NALF1: variants seen among roughly 807,000 people sequenced by gnomAD.
The protein encoded by NALF1 is NALCN channel auxiliary factor 1.
Under a neutral mutation model 48.4 loss-of-function variants are expected in NALF1, and 3 were observed. That is an observed-to-expected ratio of 0.06 (90% CI 0.03 to 0.16). The LOEUF is 0.16. Among genes scored for constraint, NALF1 ranks in the 10% least tolerant of loss-of-function variants. The pLI, the probability that NALF1 is intolerant of heterozygous loss-of-function variation, is 1.00. For synonymous variants in NALF1, 262 were observed against 245.7 expected (o/e 1.07, Z -0.62); for missense variants, 526 against 571.5 (o/e 0.92, Z 0.81).
At chr13:107,341,553 G>A (rs1250722855) in intron 1 of NALF1, among the ~76,000 whole-genome samples, 1 of 151,450 alleles carries the variant, frequency 6.6e-6, no homozygotes, top group Non-Finnish European at 1.5e-5. Context: ...TCATGGAGGT[G>A]GTGAGGATTA....
At chr13:107,396,578 A>C (rs1375476741) in intron 1 of NALF1, among the ~76,000 whole-genome samples, 1 of 152,210 alleles carries the variant, frequency 6.6e-6, no homozygotes, top group Non-Finnish European at 1.5e-5. Flanking sequence ...GCAAATGATC[A>C]TTCTGCCCCT....
At chr13:107,243,782 T>A (rs1313585841) in intron 1 of NALF1, among the ~76,000 whole-genome samples, 2 of 152,032 alleles carry the variant, frequency 1.3e-5, no homozygotes, top group Non-Finnish European at 2.9e-5. Flanking sequence ...CTGATGGGGA[T>A]CATAAACAAA....
intron 1 of NALF1, among the ~76,000 whole-genome samples, chr13:107,212,883 G>A (rs1157583310): frequency 6.6e-6 from 1 of 152,116 alleles, no homozygotes; most frequent in East Asian, 1.9e-4. Flanking sequence ...AGAGTTGCCT[G>A]TTTTTCTTTA....
At chr13:107,493,218 C>G (rs1875205033) in intron 1 of NALF1, among the ~76,000 whole-genome samples, 2 of 151,860 alleles carry the variant, frequency 1.3e-5, no homozygotes, top group African/African-American at 4.8e-5. Flanking sequence ...CTGGATAAAG[C>G]AGAAATGGCA....
intron 1 of NALF1, among the ~76,000 whole-genome samples, chr13:107,739,358 T>C (rs1293456256): frequency 3.4e-5 from 5 of 148,326 alleles, no homozygotes; most frequent in Non-Finnish European, 7.4e-5. Flanking sequence ...TTTTCATATA[T>C]AATATATAAA....
At chr13:107,655,274 T>C (rs948732198) in intron 1 of NALF1, among the ~76,000 whole-genome samples, 2 of 152,062 alleles carry the variant, frequency 1.3e-5, no homozygotes, top group Non-Finnish European at 2.9e-5. Flanking sequence ...AAAAAGCTCC[T>C]AGAACTGGTA....
At chr13:107,778,621 ATTTG>A (rs71759087) in intron 1 of NALF1, among the ~76,000 whole-genome samples, 12,153 of 150,454 alleles carry the variant, frequency 0.081, 609 homozygotes, top group East Asian at 0.17. Context: ...TTGTTTTTGT[ATTTG>A]TTTGTTTGAG....
intron 1 of NALF1, among the ~76,000 whole-genome samples, chr13:107,460,338 G>A (rs1884898000): frequency 6.6e-6 from 1 of 152,140 alleles, no homozygotes; most frequent in South Asian, 2.1e-4. Context: ...CAGCAACGAG[G>A]GTTATCTACT....
chr13:107,183,704 G>C (rs1879113603), intron 2 of NALF1, among the ~76,000 whole-genome samples: 1 of 152,138 alleles, frequency 6.6e-6, no homozygotes, highest in African/African-American at 2.4e-5. Flanking sequence ...GGACATGGAT[G>C]AAGCTGGAAA....
chr13:107,743,547 T>C (rs948039440), intron 1 of NALF1, among the ~76,000 whole-genome samples: 5 of 152,172 alleles, frequency 3.3e-5, no homozygotes, highest in Non-Finnish European at 7.3e-5. Flanking sequence ...AGATGATATT[T>C]AAAGAAAAAC....
chr13:107,794,732 T>C (rs1878362679), intron 1 of NALF1, among the ~76,000 whole-genome samples: 2 of 151,968 alleles, frequency 1.3e-5, no homozygotes. Flanking sequence ...TTGTAGGAAT[T>C]TCAGATACTG....
intron 1 of NALF1, among the ~76,000 whole-genome samples, chr13:107,319,351 G>A (rs1268622904): frequency 6.6e-6 from 1 of 152,012 alleles, no homozygotes; most frequent in African/African-American, 2.4e-5. Context: ...GGTATTCAGG[G>A]AAAGACCAAA....
intron 1 of NALF1, among the ~76,000 whole-genome samples, chr13:107,467,864 C>T (rs536793651): frequency 6.6e-5 from 10 of 152,008 alleles, no homozygotes; most frequent in African/African-American, 2.2e-4. Context: ...CATGGTGAAA[C>T]CCCATCTCTA....
At chr13:107,507,115 T>C (rs1594100457) in intron 1 of NALF1, among the ~76,000 whole-genome samples, 1 of 152,130 alleles carries the variant, frequency 6.6e-6, no homozygotes, top group African/African-American at 2.4e-5. Flanking sequence ...ACAAGTACTC[T>C]TCATTCAACA....
At chr13:107,720,735 C>T (rs1875958998) in intron 1 of NALF1, among the ~76,000 whole-genome samples, 2 of 152,176 alleles carry the variant, frequency 1.3e-5, no homozygotes, top group African/African-American at 2.4e-5. Context: ...ACTGCCTGCA[C>T]TGTAGTTCTA....
intron 1 of NALF1, among the ~76,000 whole-genome samples, chr13:107,449,301 A>T (rs1884702663): frequency 6.6e-6 from 1 of 152,114 alleles, no homozygotes; most frequent in African/African-American, 2.4e-5. Flanking sequence ...GACCCAGGGG[A>T]TGTCTTGGGT....
At chr13:107,498,079 G>C (rs1178417481) in intron 1 of NALF1, among the ~76,000 whole-genome samples, 1 of 152,096 alleles carries the variant, frequency 6.6e-6, no homozygotes, top group Non-Finnish European at 1.5e-5. Context: ...TGTTAGACTA[G>C]ATGAAATATT....
chr13:107,833,453 G>T (rs547229810), intron 1 of NALF1, among the ~76,000 whole-genome samples: 27 of 152,072 alleles, frequency 1.8e-4, no homozygotes, highest in Non-Finnish European at 3.4e-4. Context: ...ATTCCTGCTA[G>T]CTGTCTTACA....
chr13:107,660,183 T>C (rs969987959), intron 1 of NALF1, among the ~76,000 whole-genome samples: 8 of 151,624 alleles, frequency 5.3e-5, no homozygotes, highest in Admixed American at 3.3e-4. Context: ...CTCACACTTA[T>C]AATCCCAGCA....
Sources: allele counts gnomAD v4.1 joint callset (sites outside exome capture counted in the v4.1 genomes callset), GRCh38; gene constraint gnomAD v4.1.1; transcripts MANE v1.5; gene names NCBI Gene and HGNC (gene_info 2026-07-23, HGNC 2026-07-21).